The following RAB38 variants were observed in gnomAD, a reference collection of about 807,000 sequenced individuals.
The protein encoded by RAB38 is RAB38, member RAS oncogene family.
RAB38 carries 15 observed loss-of-function variants against 18.4 expected under a neutral mutation model. The ratio of observed to expected loss-of-function variants is 0.82; its 90% CI spans 0.55 to 1.26. The LOEUF is 1.26. RAB38 is among the 50% of genes most tolerant of loss of function. RAB38 has a pLI of 0.00. For missense variants in RAB38, 294 were observed against 267.4 expected, an observed-to-expected ratio of 1.10 and a Z score of -0.69; for synonymous variants, 101 against 104.4, an observed-to-expected ratio of 0.97 and a Z score of 0.20.
the RAB38 span, among the ~76,000 whole-genome samples, chr11:87,862,511 G>C: frequency 1.3e-5 from 2 of 151,854 alleles, no homozygotes; most frequent in African/African-American, 4.8e-5. Flanking sequence ...CCTATCAGAG[G>C]GTAGAGGGTG....
chr11:88,164,256 C>CGGCAGGGGGG (rs1318397492), intron 1 of RAB38, among the ~76,000 whole-genome samples: 1 of 109,062 alleles, frequency 9.2e-6, no homozygotes, highest in African/African-American at 3.4e-5. Context: ...AAGGTGCTCT[C>CGGCAGGGGGG]GGTGGGGGGG....
chr11:87,846,461 C>T, the RAB38 span, among the ~76,000 whole-genome samples: 1 of 151,840 alleles, frequency 6.6e-6, no homozygotes, highest in Non-Finnish European at 1.5e-5. Flanking sequence ...GCTAATATCA[C>T]AGAAAATAAG....
At chr11:87,839,170 G>T in the RAB38 span, among the ~76,000 whole-genome samples, 4 of 152,144 alleles carry the variant, frequency 2.6e-5, no homozygotes, top group Admixed American at 6.6e-5. Context: ...AACTCCTAGT[G>T]CTTTTATTGT....
intron 1 of RAB38, among the ~76,000 whole-genome samples, chr11:88,159,897 G>T (rs940658024): frequency 6.6e-6 from 1 of 151,816 alleles, no homozygotes; most frequent in Non-Finnish European, 1.5e-5. Flanking sequence ...CCTAGGAAAC[G>T]CCATTCTGGA....
chr11:87,891,238 A>G, the RAB38 span, among the ~76,000 whole-genome samples: 4 of 151,868 alleles, frequency 2.6e-5, no homozygotes, highest in Non-Finnish European at 5.9e-5. Flanking sequence ...CATTGCTAAA[A>G]CACCAGACAT....
At chr11:88,097,487 T>C in the RAB38 span, among the ~76,000 whole-genome samples, 5 of 151,476 alleles carry the variant, frequency 3.3e-5, no homozygotes, top group Non-Finnish European at 7.4e-5. Context: ...GAATAGAGAG[T>C]GGAACCCTCC....
At chr11:88,055,348 TCAA>T in the RAB38 span, among the ~76,000 whole-genome samples, 1 of 152,226 alleles carries the variant, frequency 6.6e-6, no homozygotes, top group Non-Finnish European at 1.5e-5. Context: ...TTGTAAATCA[TCAA>T]CATTAGATTA....
At chr11:88,071,930 C>A in the RAB38 span, among the ~76,000 whole-genome samples, 1 of 152,180 alleles carries the variant, frequency 6.6e-6, no homozygotes, top group Admixed American at 6.5e-5. Flanking sequence ...ATCATTCAAC[C>A]TCTGACATTA....
chr11:87,958,308 TA>T, the RAB38 span, among the ~76,000 whole-genome samples: 1 of 152,190 alleles, frequency 6.6e-6, no homozygotes, highest in Non-Finnish European at 1.5e-5. Context: ...ATGCATTTCT[TA>T]GCTACATATT....
At chr11:87,873,595 C>T in the RAB38 span, among the ~76,000 whole-genome samples, 5 of 151,472 alleles carry the variant, frequency 3.3e-5, no homozygotes, top group Non-Finnish European at 5.9e-5. Context: ...TTTGCATTTA[C>T]ATTTAAGACT....
the RAB38 span, among the ~76,000 whole-genome samples, chr11:88,077,163 T>C: frequency 6.6e-6 from 1 of 151,798 alleles, no homozygotes; most frequent in African/African-American, 2.4e-5. Context: ...AATGGAAAGT[T>C]ATTACATATT....
chr11:87,891,249 C>T, the RAB38 span, among the ~76,000 whole-genome samples: 4 of 151,838 alleles, frequency 2.6e-5, no homozygotes, highest in African/African-American at 7.2e-5. Context: ...CACCAGACAT[C>T]GAACAGACAC....
the RAB38 span, among the ~76,000 whole-genome samples, chr11:87,933,058 G>A: frequency 5.3e-5 from 8 of 152,110 alleles, no homozygotes; most frequent in South Asian, 2.1e-4. Flanking sequence ...ACAATATCAC[G>A]TATGGAGGTT....
intron 2 of RAB38, among the ~76,000 whole-genome samples, chr11:88,145,767 A>T (rs1942977792): frequency 1.3e-5 from 2 of 152,220 alleles, no homozygotes; most frequent in African/African-American, 4.8e-5. Flanking sequence ...AGTTGAGCTC[A>T]TGATCTACAG....
the RAB38 span, among the ~76,000 whole-genome samples, chr11:87,804,007 T>C: frequency 5.3e-5 from 8 of 152,230 alleles, no homozygotes; most frequent in African/African-American, 1.7e-4. Context: ...CACATATGCA[T>C]ATGCCAGGTC....
At chr11:88,045,280 C>T in the RAB38 span, among the ~76,000 whole-genome samples, 17,365 of 152,178 alleles carry the variant, frequency 0.11, 1,969 homozygotes, top group East Asian at 0.33. Flanking sequence ...CTTAATTAAA[C>T]TCACCTTAAA....
the RAB38 span, among the ~76,000 whole-genome samples, chr11:88,013,891 A>C: frequency 6.6e-6 from 1 of 152,188 alleles, no homozygotes; most frequent in Admixed American, 6.6e-5. Flanking sequence ...ACATCGCAGT[A>C]CCCTTTACAT....
At chr11:87,896,449 T>G in the RAB38 span, among the ~76,000 whole-genome samples, 7 of 151,676 alleles carry the variant, frequency 4.6e-5, no homozygotes, top group African/African-American at 1.7e-4. Context: ...TGTTTCGAAT[T>G]TGGGTGCAGA....
intron 2 of RAB38, among the ~76,000 whole-genome samples, chr11:88,136,482 CAT>C (rs890943291): frequency 3.9e-5 from 6 of 152,142 alleles, no homozygotes; most frequent in Admixed American, 2.0e-4. Flanking sequence ...GTCTTAGTAA[CAT>C]AACCCTTTCG....
Sources: gnomAD v4.1 joint callset for allele counts (sites outside exome capture counted in the v4.1 genomes callset) on GRCh38, gnomAD v4.1.1 for gene constraint, MANE v1.5 for transcripts, NCBI Gene and HGNC (gene_info 2026-07-23, HGNC 2026-07-21) for gene names.